Variants in DLG1 observed in about 807,000 individuals in gnomAD.
DLG1 encodes the protein discs large MAGUK scaffold protein 1.
Under a neutral mutation model 123.4 loss-of-function variants are expected in DLG1, and 42 were observed. That is an observed-to-expected ratio of 0.34 (90% CI 0.27 to 0.44). DLG1 has a LOEUF of 0.44. Ranked by LOEUF, DLG1 falls within the 20% of genes least tolerant of loss-of-function variation. DLG1 has a pLI of 1.00. For synonymous variants in DLG1, 317 were observed against 356.2 expected, an observed-to-expected ratio of 0.89 and a Z score of 1.24; for missense variants, 942 against 1,082.6, an observed-to-expected ratio of 0.87 and a Z score of 1.82.
At chr3:197,080,423 T>C (rs1452348142) in intron 17 of DLG1, 2 of 149,178 alleles carry the variant, frequency 1.3e-5, no homozygotes, top group African/African-American at 4.9e-5. Flanking sequence ...GGACTACAGG[T>C]GCAAGCCATC....
At chr3:197,045,668 C>T (rs1444110341) in intron 24 of DLG1, among the ~76,000 whole-genome samples, 2 of 151,984 alleles carry the variant, frequency 1.3e-5, no homozygotes, top group Admixed American at 6.6e-5. Context: ...CTCTTGAGCC[C>T]AGGAGTTCAC....
intron 18 of DLG1, among the ~76,000 whole-genome samples, chr3:197,074,992 T>C (rs1322605470): frequency 6.6e-6 from 1 of 151,924 alleles, no homozygotes; most frequent in East Asian, 1.9e-4. Flanking sequence ...ATTTAGAAAA[T>C]ATTAGATTAA....
rs540124702 is a variant in DLG1 at position 197,232,136 on chromosome 3, AC to A, written c.319-37548del. Among the ~76,000 whole-genome samples the A allele has an allele frequency of 2.3e-3, 350 of 152,326 alleles. 5 individuals carry two copies. Among genetic ancestry groups the A allele is most frequent in the Non-Finnish European group, 2.2e-3 (153 of 68,034 alleles). On this transcript the variant is annotated intron_variant, in intron 4 of 24. Transcript: ENST00000667157. ...TAATCTCAATCACCTAAATTTGAGC[AC>A]AAAAAACAGCTATTTGGATTGCCAC...
At chr3:197,270,078 A>G (rs1382896049) in intron 4 of DLG1, among the ~76,000 whole-genome samples, 1 of 152,188 alleles carries the variant, frequency 6.6e-6, no homozygotes, top group African/African-American at 2.4e-5. Context: ...CCTCTCAAAA[A>G]TAACACCTCA....
chr3:197,196,879 ACT>A (rs1561396225), intron 4 of DLG1, among the ~76,000 whole-genome samples: 1 of 152,336 alleles, frequency 6.6e-6, no homozygotes, highest in Middle Eastern at 3.4e-3. Flanking sequence ...ATATAAATGC[ACT>A]GTTTAAACAT....
intron 4 of DLG1, among the ~76,000 whole-genome samples, chr3:197,233,257 A>G (rs966229131): frequency 3.3e-5 from 5 of 152,362 alleles, no homozygotes; most frequent in African/African-American, 1.2e-4. Flanking sequence ...TGAAAGTTAT[A>G]AACGCATTAT....
At chr3:197,123,628 G>A (rs997907924) in intron 11 of DLG1, among the ~76,000 whole-genome samples, 1 of 152,228 alleles carries the variant, frequency 6.6e-6, no homozygotes, top group Non-Finnish European at 1.5e-5. Context: ...TGGTGAGGAT[G>A]TAGAAAAACT....
chr3:197,142,706 A>T lies in DLG1; in HGVS notation c.588+12T>A. The T allele has an allele frequency of 6.3e-7, 1 of 1,588,826 alleles. No homozygotes were observed. The highest frequency in any genetic ancestry group is 8.6e-7 in the Non-Finnish European group (1 of 1,163,358). On this transcript the variant is annotated intron_variant, in intron 7 of 24. Transcript: ENST00000667157. Reference sequence around the variant, plus strand: ...GTTCTCTAGAACAACAGATTAAGATAATAGTTTTTACCCTTTCAAGTGTGA... The same window carrying T: ...GTTCTCTAGAACAACAGATTAAGATTATAGTTTTTACCCTTTCAAGTGTGA...
At chr3:197,050,408 CAACA>C (rs757875008) in intron 24 of DLG1, among the ~76,000 whole-genome samples, 3 of 151,254 alleles carry the variant, frequency 2.0e-5, no homozygotes, top group Non-Finnish European at 4.4e-5. Context: ...AAAAACCCAA[CAACA>C]AACAACAACA....
At chr3:197,216,204 C>A (rs1008490045) in intron 4 of DLG1, among the ~76,000 whole-genome samples, 4 of 152,182 alleles carry the variant, frequency 2.6e-5, no homozygotes, top group Non-Finnish European at 5.9e-5. Flanking sequence ...GGAAATAAAT[C>A]ATCACTATTC....
chr3:197,135,566 T>C (rs1242751441), intron 10 of DLG1, among the ~76,000 whole-genome samples: 5 of 152,162 alleles, frequency 3.3e-5, no homozygotes, highest in Admixed American at 6.5e-5. Flanking sequence ...CATAGCAGTG[T>C]GAAAACAAAC....
intron 13 of DLG1, among the ~76,000 whole-genome samples, chr3:197,107,709 T>C (rs1274432646): frequency 2.0e-5 from 3 of 152,174 alleles, no homozygotes; most frequent in African/African-American, 4.8e-5. Context: ...ATTTATTAGC[T>C]TGACAGTCTG....
intron 4 of DLG1, among the ~76,000 whole-genome samples, chr3:197,237,114 A>T (rs542574136): frequency 4.3e-4 from 66 of 152,318 alleles, no homozygotes; most frequent in African/African-American, 1.6e-3. Context: ...AAAGATAAAC[A>T]TATCTTTTAA....
Position 197,042,622 on chromosome 3 carries a change from A to AT in DLG1, c.*2000dup, listed in dbSNP as rs2148613030. ...TGGCATCCTTTTATAACCACTTGAT[A>AT]TTTTACAACATGTGACTATTTGGTA... On this transcript the variant is annotated 3_prime_UTR_variant, in exon 25 of 25. Transcript: ENST00000667157. The AT allele has an allele frequency of 6.6e-6, 1 of 152,336 alleles. No individual in the cohort carries two copies. Among genetic ancestry groups the AT allele is most frequent in the South Asian group, 2.1e-4 (1 of 4,828 alleles). The allele number at this position is 152,336 out of a possible 1,614,324, so 9.4% of individuals were successfully genotyped here.
chr3:197,149,140 T>A lies in DLG1; in HGVS notation c.537+603A>T, dbSNP rs558159824. ...TATTCACAGAGTTGTGCCATCATCA[T>A]TACTTTCTAATTCCAGAACATCCTT... On this transcript the variant is annotated intron_variant, in intron 6 of 24. Coordinates refer to ENST00000667157, the MANE Select transcript of DLG1 (RefSeq NM_001366207.1). 9.7e-4 allele frequency among the ~76,000 whole-genome samples: 148 copies of A among 152,170 alleles called. 1 individual carries two copies. Among genetic ancestry groups the A allele is most frequent in the African/African-American group, 3.2e-3 (133 of 41,434 alleles).
At chr3:197,045,135 G>T in intron 24 of DLG1, among the ~76,000 whole-genome samples, 1 of 151,242 alleles carries the variant, frequency 6.6e-6, no homozygotes. Context: ...GTAGGATCTT[G>T]GGGGAAAAGA....
rs1427245212 is a variant in DLG1, at chr3:197,198,364, T to C, written c.319-3775A>G. ...TTAGCCGGGTGTGGTGGTGGGCACC[T>C]GTAGTCCCAACTACTTGGGAGGCTG... On this transcript the variant is annotated intron_variant, in intron 4 of 24. Transcript: ENST00000667157. 2.0e-5 allele frequency among the ~76,000 whole-genome samples: 3 copies of C among 151,940 alleles called. 1 individual carries two copies. In the South Asian group the frequency reaches 6.2e-4, roughly 32 times the overall value.
In DLG1 at chr3:197,174,423, A is replaced by G. The variant is rs146806505; in HGVS notation, c.483+20002T>C. On this transcript the variant is annotated intron_variant, in intron 5 of 24. Coordinates refer to ENST00000667157, the MANE Select transcript of DLG1 (RefSeq NM_001366207.1). ...AGTTCTTTAAAATATCTTTAATTAA[A>G]AAGTCTATATAATAAAGCTGTGCTC... is the stretch of plus-strand genomic sequence containing the variant. Among the ~76,000 whole-genome samples, 156 of 152,326 alleles carry G rather than the reference A, an allele frequency of 1.0e-3. 2 individuals are homozygous for G. The East Asian group carries it at 0.025, about 25-fold the overall frequency.
intron 4 of DLG1, among the ~76,000 whole-genome samples, chr3:197,211,893 T>A (rs1338294227): frequency 6.8e-6 from 1 of 146,814 alleles, no homozygotes; most frequent in Non-Finnish European, 1.5e-5. Flanking sequence ...ATATACACCA[T>A]GGGATACCAT....
Sources: gnomAD v4.1 joint callset for allele counts (sites outside exome capture counted in the v4.1 genomes callset) on GRCh38, gnomAD v4.1.1 for gene constraint, MANE v1.5 for transcripts, NCBI Gene and HGNC (gene_info 2026-07-23, HGNC 2026-07-21) for gene names.